Variants in USP36 observed in about 807,000 individuals in gnomAD.
USP36 encodes the protein ubiquitin specific peptidase 36.
In USP36, 59 loss-of-function variants were observed where a neutral mutation model predicts 111.5. That is an observed-to-expected ratio of 0.53 (90% confidence interval 0.43 to 0.66). The LOEUF (loss-of-function observed/expected upper bound fraction) is 0.66, where lower values mean the gene tolerates loss of function less well. Among genes scored for constraint, USP36 ranks in the 30% least tolerant of loss-of-function variants. USP36 has a pLI of 0.00. For synonymous variants in USP36, 628 were observed against 581.0 expected (o/e 1.08, Z -1.16); for missense variants, 1,488 against 1,468.0 (o/e 1.01, Z -0.22).
chr17:78,799,294 C>G (rs761430638), intron 18 of USP36, among the ~76,000 whole-genome samples: 3 of 152,180 alleles, frequency 2.0e-5, no homozygotes, highest in Non-Finnish European at 4.4e-5. Flanking sequence ...GTCTGAGGAA[C>G]AAAGATGTCA....
In USP36 at chr17:78,798,692, T is replaced by A. The variant is rs3744799; in HGVS notation, c.3241-141A>T. Reference sequence around the variant, plus strand: ...GACCCACTCTTCACAATGACCCCTGTGCACGGCGACCTGCAGTCCCCCTAT... The same window carrying A: ...GACCCACTCTTCACAATGACCCCTGAGCACGGCGACCTGCAGTCCCCCTAT... On this transcript the variant is annotated intron_variant, in intron 19 of 20. Coordinates refer to ENST00000449938, the MANE Select transcript of USP36 (RefSeq NM_001385174.1). The surrounding 1 kb of genome is among the most constrained non-coding windows in gnomAD (Gnocchi z 5.1). 2.2e-6 allele frequency: 3 copies of A among 1,366,694 alleles called. No individual in the cohort carries two copies. Among genetic ancestry groups the A allele is most frequent in the Non-Finnish European group, 3.0e-6 (3 of 992,650 alleles). The allele number at this position is 1,366,694 out of a possible 1,614,324, so 84.7% of individuals were successfully genotyped here. A position where few individuals can be genotyped will look rare whatever the true frequency, so the allele number is the denominator to read the frequency against.
chr17:78,840,542 C>G (rs1396347609), intron 1 of USP36, 194 bp downstream of exon 1: 2 of 152,276 alleles, frequency 1.3e-5, no homozygotes, highest in Admixed American at 1.3e-4. Flanking sequence ...TCTGGAGAAG[C>G]GAGCTCGCGA....
downstream of USP36, among the ~76,000 whole-genome samples, chr17:78,792,530 G>A (rs1413709776): frequency 1.2e-4 from 18 of 152,144 alleles, no homozygotes. Context: ...CAGCCCCGGG[G>A]ACTATTGGAC....
intron 4 of USP36, among the ~76,000 whole-genome samples, chr17:78,833,466 G>T (rs2068343684): frequency 6.6e-6 from 1 of 151,882 alleles, no homozygotes; most frequent in Non-Finnish European, 1.5e-5. Context: ...CACTTCTATA[G>T]CACTCCCTCT....
intron 10 of USP36, among the ~76,000 whole-genome samples, chr17:78,817,949 G>T (rs1287691068): frequency 6.6e-6 from 1 of 152,004 alleles, no homozygotes; most frequent in Non-Finnish European, 1.5e-5. Context: ...ACCAGGCATG[G>T]TGGCATGTGC....
chr17:78,835,980 A>G, intron 3 of USP36, 131 bp downstream of exon 3: 1 of 1,286,366 alleles, frequency 7.8e-7, no homozygotes, highest in Non-Finnish European at 1.1e-6. Flanking sequence ...AAATCCACTG[A>G]CCCCATGTAA....
chr17:78,816,269 C>T (rs1462509805), intron 10 of USP36, among the ~76,000 whole-genome samples: 2 of 152,024 alleles, frequency 1.3e-5, no homozygotes, highest in Admixed American at 6.6e-5. Context: ...AAGCAATCCT[C>T]CTATCTCTAC....
Position 78,809,995 on chromosome 17 carries a change from C to T in USP36, c.1408-2359G>A, listed in dbSNP as rs1399655765. Among the ~76,000 whole-genome samples the T allele has an allele frequency of 3.3e-5, 5 of 151,892 alleles. No homozygotes were observed. In the East Asian group the frequency reaches 5.8e-4, roughly 18 times the overall value. On this transcript the variant is annotated intron_variant, in intron 13 of 20. Coordinates refer to ENST00000449938, the MANE Select transcript of USP36 (RefSeq NM_001385174.1). ...TCGAATAGCTGGGATTACAGGCGCA[C>T]GCCACCATGCCCAGCTAACTTTTGT...
At chr17:78,836,570 C>T (rs1883434951) in intron 2 of USP36, among the ~76,000 whole-genome samples, 198 bp from the exon 3 acceptor site, 1 of 152,056 alleles carries the variant, frequency 6.6e-6, no homozygotes, top group Admixed American at 6.6e-5. Flanking sequence ...TTCACATTTC[C>T]CCCACAAAAA....
At chr17:78,788,668 GGAA>G (rs1567895609) in intron 3 of USP36, among the ~76,000 whole-genome samples, 1 of 152,084 alleles carries the variant, frequency 6.6e-6, no homozygotes, top group East Asian at 1.9e-4. Flanking sequence ...CATGAAGGAA[GGAA>G]GGGCCAAGGA....
rs2093659734 is a variant in USP36, at chr17:78,798,181, A to G, written c.*20+219T>C. The G allele has an allele frequency of 3.4e-6, 2 of 584,920 alleles. No individual in the cohort carries two copies. Among genetic ancestry groups the G allele is most frequent in the South Asian group, 4.4e-5 (2 of 45,532 alleles). 36.2% of individuals were successfully genotyped at this position (584,920 alleles called of 1,614,324 possible). A position where few individuals can be genotyped will look rare whatever the true frequency, so the allele number is the denominator to read the frequency against. On this transcript the variant is annotated intron_variant, in intron 20 of 20. Transcript: ENST00000449938. This position sits in a 1 kb window ranked among gnomAD's most constrained non-coding sequence, Gnocchi z 5.1. ...CCCCTTATACACACGCATCCCACAC[A>G]CACCCCCTTATACACACGCATCCCA...
intron 10 of USP36, among the ~76,000 whole-genome samples, chr17:78,817,242 C>G (rs2094210267): frequency 6.6e-6 from 1 of 152,206 alleles, no homozygotes; most frequent in Non-Finnish European, 1.5e-5. Flanking sequence ...CTATGATGTT[C>G]ACACAGTGAC....
At position 78,835,517 on chromosome 17, in the gene USP36, A is replaced by G. The variant is rs1481355280; in HGVS notation, c.254-16T>C. On this transcript the variant is annotated splice_polypyrimidine_tract_variant and intron_variant, in intron 3 of 20. Transcript: ENST00000449938. ...TGCTCACTGCCTGAGGAAGAAAGGG[A>G]CAAGGGAAGAAAAGAGGAAGACGTA... The G allele has an allele frequency of 6.3e-7, 1 of 1,575,844 alleles. No homozygotes were observed.
intron 4 of USP36, among the ~76,000 whole-genome samples, chr17:78,829,246 A>C (rs1290951041): frequency 1.3e-5 from 2 of 152,154 alleles, no homozygotes; most frequent in Non-Finnish European, 2.9e-5. Flanking sequence ...TGAAACTCTC[A>C]CCATCACAAC....
downstream of USP36, among the ~76,000 whole-genome samples, chr17:78,791,316 T>C (rs1012621251): frequency 6.6e-6 from 1 of 151,920 alleles, no homozygotes; most frequent in African/African-American, 2.4e-5. Context: ...GTATTTTTAG[T>C]AGAGACGGGG....
At chr17:78,801,271 C>T (rs1161663589) in intron 17 of USP36, among the ~76,000 whole-genome samples, 1 of 152,228 alleles carries the variant, frequency 6.6e-6, no homozygotes, top group Non-Finnish European at 1.5e-5. Flanking sequence ...CCACCACCCC[C>T]GGCCAGGGCA....
intron 13 of USP36, among the ~76,000 whole-genome samples, chr17:78,809,463 G>A (rs989132879): frequency 7.2e-5 from 11 of 152,052 alleles, no homozygotes; most frequent in Non-Finnish European, 1.3e-4. Context: ...AGAGTAAAAC[G>A]GCTCGTCTGC....
chr17:78,810,359 C>T (rs2094018689), intron 13 of USP36, among the ~76,000 whole-genome samples: 1 of 152,124 alleles, frequency 6.6e-6, no homozygotes. Flanking sequence ...ATGATCATGA[C>T]TCACTCCAGC....
chr17:78,831,279 C>CT (rs200931644), intron 4 of USP36, among the ~76,000 whole-genome samples: 163 of 128,372 alleles, frequency 1.3e-3, no homozygotes, highest in African/African-American at 4.4e-3. Context: ...TTGAAGAGCT[C>CT]TTTTTTTTCC....
Sources: gnomAD v4.1 joint callset for allele counts (sites outside exome capture counted in the v4.1 genomes callset) on GRCh38, gnomAD v4.1.1 for gene constraint, Gnocchi (gnomAD v3.1) non-coding constraint, MANE v1.5 for transcripts, NCBI Gene and HGNC (gene_info 2026-07-23, HGNC 2026-07-21) for gene names.